The following ELAPOR2 variants were observed in gnomAD, a reference collection of about 807,000 sequenced individuals.
ELAPOR2 encodes the protein endosome/lysosome-associated apoptosis and autophagy regulator family member 2.
In ELAPOR2, 89 loss-of-function variants were observed where a neutral mutation model predicts 120.7. The ratio of observed to expected loss-of-function variants is 0.74; its 90% CI spans 0.62 to 0.88. The LOEUF (loss-of-function observed/expected upper bound fraction) is 0.88. Among genes scored for constraint, ELAPOR2 ranks in the 40% least tolerant of loss-of-function variants. ELAPOR2 has a pLI of 0.00. For missense variants in ELAPOR2, 1,134 were observed against 1,251.6 expected, an observed-to-expected ratio of 0.91 and a Z score of 1.42; for synonymous variants, 444 against 444.9, an observed-to-expected ratio of 1.00 and a Z score of 0.03.
In ELAPOR2 at chr7:86,926,758, TC is replaced by T. The variant is rs769406456; in HGVS notation, c.1247del (p.Gly416GlufsTer35). 1 of 1,609,812 alleles carries T rather than the reference TC, an allele frequency of 6.2e-7. No homozygotes were observed. Among genetic ancestry groups the T allele is most frequent in the East Asian group, 2.2e-5 (1 of 44,752 alleles). The part of the protein sequence containing the change: ...GSSSCHPCPP[G>X]TFSDGTKECR... ...TACCTTTGGTTCCATCTGAAAATGT[TC>T]CAGGAGGACAGGGATGGCAAGAAGA... On this transcript the variant is annotated frameshift_variant, in exon 9 of 22. Coordinates refer to ENST00000450689, the MANE Select transcript of ELAPOR2 (RefSeq NM_001142749.3). LOFTEE classifies it high-confidence loss of function.
chr7:86,922,471 G>GA (rs1247672145), intron 10 of ELAPOR2, among the ~76,000 whole-genome samples: 1 of 150,618 alleles, frequency 6.6e-6, no homozygotes, highest in Non-Finnish European at 1.5e-5. Context: ...TCATTACCTA[G>GA]AAAAAAAACA....
At chr7:87,036,299 C>A (rs573136855) in intron 1 of ELAPOR2, among the ~76,000 whole-genome samples, 7 of 151,888 alleles carry the variant, frequency 4.6e-5, no homozygotes, top group Admixed American at 3.3e-4. Flanking sequence ...CAGGGTGAAA[C>A]CCTGTCTATA....
At chr7:86,935,786 C>T (rs1790537666) in intron 8 of ELAPOR2, among the ~76,000 whole-genome samples, 1 of 151,954 alleles carries the variant, frequency 6.6e-6, no homozygotes, top group Admixed American at 6.6e-5. Context: ...TGTAAATAAC[C>T]AGTGCTCAGT....
At chr7:87,032,726 C>T (rs1794460472) in intron 1 of ELAPOR2, among the ~76,000 whole-genome samples, 1 of 152,164 alleles carries the variant, frequency 6.6e-6, no homozygotes, top group Non-Finnish European at 1.5e-5. Flanking sequence ...AATCGAGAAT[C>T]TAATAGACAG....
intron 1 of ELAPOR2, among the ~76,000 whole-genome samples, chr7:87,042,399 A>G (rs1794815470): frequency 6.6e-6 from 1 of 151,242 alleles, no homozygotes; most frequent in South Asian, 2.1e-4. Flanking sequence ...AACAGAAATT[A>G]TAACAAACTA....
At chr7:86,945,876 A>G (rs1347308721) in intron 3 of ELAPOR2, among the ~76,000 whole-genome samples, 1 of 152,006 alleles carries the variant, frequency 6.6e-6, no homozygotes, top group East Asian at 1.9e-4. Context: ...AAAGGCAAAA[A>G]CCACAAATTG....
chr7:87,026,560 T>C (rs1410554392), intron 1 of ELAPOR2, among the ~76,000 whole-genome samples: 1 of 152,046 alleles, frequency 6.6e-6, no homozygotes, highest in African/African-American at 2.4e-5. Flanking sequence ...CCAAATTTTA[T>C]TGGATATTTT....
chr7:86,914,157 T>C (rs1272619271), intron 13 of ELAPOR2, among the ~76,000 whole-genome samples: 4 of 152,120 alleles, frequency 2.6e-5, no homozygotes, highest in Non-Finnish European at 5.9e-5. Context: ...ATCCACAAAA[T>C]AAGTCCTGCT....
intron 8 of ELAPOR2, among the ~76,000 whole-genome samples, chr7:86,929,546 C>T (rs143624013): frequency 6.6e-6 from 1 of 152,078 alleles, no homozygotes; most frequent in East Asian, 1.9e-4. Context: ...TTGTATCTGA[C>T]TCCTCCTTCA....
rs984932021 is a variant in ELAPOR2, at chr7:86,890,196, C to A, written c.3030+1528G>T. ...TCCATGGTTCTCTTTCATTTCTGTACATCTTAAAAGTGAGAAACTGATTAC... is the reference window on the plus strand; with the variant it reads ...TCCATGGTTCTCTTTCATTTCTGTAAATCTTAAAAGTGAGAAACTGATTAC... On this transcript the variant is annotated intron_variant, in intron 21 of 21. Transcript: ENST00000450689. Among the ~76,000 whole-genome samples, 5 of 151,998 alleles carry A rather than the reference C, an allele frequency of 3.3e-5. 1 individual carries two copies. The South Asian group carries it at 1.0e-3, about 32-fold the overall frequency.
chr7:86,909,735 C>T, intron 16 of ELAPOR2, 77 bp downstream of exon 16: 2 of 1,264,280 alleles, frequency 1.6e-6, no homozygotes, highest in South Asian at 3.0e-5. Context: ...TAGCAAACAC[C>T]AATACAATGA....
At chr7:86,964,673 T>C (rs1791838651) in intron 2 of ELAPOR2, among the ~76,000 whole-genome samples, 5 of 152,056 alleles carry the variant, frequency 3.3e-5, no homozygotes, top group Admixed American at 6.6e-5. Flanking sequence ...AATAAGAAAA[T>C]AGATTTTAAA....
intron 1 of ELAPOR2, among the ~76,000 whole-genome samples, chr7:87,043,796 A>G (rs1794859160): frequency 6.6e-6 from 1 of 151,516 alleles, no homozygotes; most frequent in Non-Finnish European, 1.5e-5. Flanking sequence ...AGGGTATTCA[A>G]TTAGGAAAAG....
chr7:87,048,197 T>C (rs1026436115), intron 1 of ELAPOR2, among the ~76,000 whole-genome samples: 1 of 151,340 alleles, frequency 6.6e-6, no homozygotes, highest in African/African-American at 2.4e-5. Context: ...TGAGCCGAGA[T>C]TGCACCACTG....
rs202181617 is a variant in ELAPOR2, at chr7:86,940,841, T to C, written c.742-726A>G. 3.3e-5 allele frequency among the ~76,000 whole-genome samples: 5 copies of C among 152,224 alleles called. No homozygotes were observed. The East Asian group carries it at 7.7e-4, about 24-fold the overall frequency. On this transcript the variant is annotated intron_variant, in intron 5 of 21. Transcript: ENST00000450689. ...TGTATAAAATTACAATCCACCCAAC[T>C]ATTTCAGTGAAGCAGTACATTAAGT...
intron 4 of ELAPOR2, 90 bp downstream of exon 4, chr7:86,944,809 G>A: frequency 9.4e-7 from 1 of 1,068,536 alleles, no homozygotes; most frequent in Admixed American, 3.5e-5. Flanking sequence ...AAAAACTGAG[G>A]AGGAATAAAG....
chr7:86,966,322 G>A (rs1234262557), intron 1 of ELAPOR2, among the ~76,000 whole-genome samples: 1 of 152,024 alleles, frequency 6.6e-6, no homozygotes, highest in Non-Finnish European at 1.5e-5. Flanking sequence ...TTATTTATGA[G>A]ATATTCCTCT....
intron 1 of ELAPOR2, among the ~76,000 whole-genome samples, chr7:87,028,115 C>T (rs141839282): frequency 6.6e-6 from 1 of 152,182 alleles, no homozygotes; most frequent in African/African-American, 2.4e-5. Flanking sequence ...TTCACTTCCC[C>T]CTTCAGTTAC....
chr7:86,895,768 A>T (rs1203520547), intron 19 of ELAPOR2, among the ~76,000 whole-genome samples: 1 of 152,126 alleles, frequency 6.6e-6, no homozygotes, highest in Non-Finnish European at 1.5e-5. Context: ...TGGATAAAAG[A>T]TCATTCAGCT....
Sources: allele counts gnomAD v4.1 joint callset (sites outside exome capture counted in the v4.1 genomes callset), GRCh38; gene constraint gnomAD v4.1.1; transcripts MANE v1.5; gene names NCBI Gene and HGNC (gene_info 2026-07-23, HGNC 2026-07-21).